Variants in CTNNBIP1 observed in about 807,000 individuals in gnomAD.
CTNNBIP1 encodes the protein catenin beta interacting protein 1, also known as beta-catenin-interacting protein 1.
CTNNBIP1 carries 7 observed loss-of-function variants against 11.8 expected under a neutral mutation model. The observed-to-expected ratio is 0.60, with a 90% CI of 0.34 to 1.12. The LOEUF (loss-of-function observed/expected upper bound fraction) is 1.12. Among genes scored for constraint, CTNNBIP1 ranks in the 50% most tolerant of loss-of-function variants. The probability of loss-of-function intolerance (pLI) is 0.03; values close to 1 mark genes in which losing one functional copy is unlikely to be tolerated. For missense variants in CTNNBIP1, 101 were observed against 113.4 expected, an observed-to-expected ratio of 0.89 and a Z score of 0.50; for synonymous variants, 58 against 43.9, an observed-to-expected ratio of 1.32 and a Z score of -1.26.
At chr1:9,899,468 A>G (rs1557766659) in intron 1 of CTNNBIP1, among the ~76,000 whole-genome samples, 3 of 146,912 alleles carry the variant, frequency 2.0e-5, no homozygotes, top group Non-Finnish European at 4.4e-5. Context: ...AAAAAAAAAA[A>G]AAAAAAAAAA....
At chr1:9,856,616 C>T (rs910565708) in intron 5 of CTNNBIP1, among the ~76,000 whole-genome samples, 6 of 150,948 alleles carry the variant, frequency 4.0e-5, no homozygotes, top group South Asian at 2.1e-4. Flanking sequence ...CGCATTCAAG[C>T]GATTCTCCTG....
chr1:9,876,961 C>T (rs1458973765), intron 3 of CTNNBIP1, among the ~76,000 whole-genome samples: 1 of 151,772 alleles, frequency 6.6e-6, no homozygotes, highest in Non-Finnish European at 1.5e-5. Flanking sequence ...TGGCTCCTGA[C>T]CACTGTGAAA....
Position 9,902,033 on chromosome 1 carries a change from C to T in CTNNBIP1, c.-144+8062G>A, listed in dbSNP as rs535233897. 1.8e-4 allele frequency among the ~76,000 whole-genome samples: 27 copies of T among 152,316 alleles called. 1 individual carries two copies. In the South Asian group the frequency reaches 5.6e-3, roughly 32 times the overall value. On this transcript the variant is annotated intron_variant, in intron 1 of 5. Transcript: ENST00000377263. Reference sequence around the variant, plus strand: ...GCTTTCACATGAACTGCTTGCTAGACCTCCCTGACCTTGGTCTTTGAAGAG... The same window carrying T: ...GCTTTCACATGAACTGCTTGCTAGATCTCCCTGACCTTGGTCTTTGAAGAG...
At chr1:9,902,504 C>G (rs1441172268) in intron 1 of CTNNBIP1, among the ~76,000 whole-genome samples, 1 of 152,144 alleles carries the variant, frequency 6.6e-6, no homozygotes, top group Non-Finnish European at 1.5e-5. Flanking sequence ...CCAAGTACAG[C>G]TTTTGTTACA....
intron 1 of CTNNBIP1, among the ~76,000 whole-genome samples, chr1:9,884,411 G>A (rs1639145011): frequency 6.6e-6 from 1 of 152,114 alleles, no homozygotes; most frequent in South Asian, 2.1e-4. Context: ...TAATCCCCGA[G>A]AGCTGCCCAG....
rs1218024665 is a variant in CTNNBIP1, at chr1:9,867,269, A to C, written c.187+3918T>G. ...CAGGCAGGCTGGGAACTGGGGGGCCACTGGGGCCTCTGCTGGAACCACCTG... is the reference window on the plus strand; with the variant it reads ...CAGGCAGGCTGGGAACTGGGGGGCCCCTGGGGCCTCTGCTGGAACCACCTG... On this transcript the variant is annotated intron_variant, in intron 5 of 5. Coordinates refer to ENST00000377263, the MANE Select transcript of CTNNBIP1 (RefSeq NM_020248.3). The surrounding 1 kb of genome is among the most constrained non-coding windows in gnomAD (Gnocchi z 4.6). Among the ~76,000 whole-genome samples, 3 of 152,064 alleles carry C rather than the reference A, an allele frequency of 2.0e-5. No individual in the cohort carries two copies. Among genetic ancestry groups the C allele is most frequent in the Non-Finnish European group, 4.4e-5 (3 of 68,006 alleles).
At chr1:9,900,125 C>T (rs60547803) in intron 1 of CTNNBIP1, among the ~76,000 whole-genome samples, 10,355 of 149,958 alleles carry the variant, frequency 0.069, 925 homozygotes, top group East Asian at 0.22. Context: ...AGGTGGAGGC[C>T]GGGTGCTGTG....
At chr1:9,878,724 C>T (rs576219260) in intron 2 of CTNNBIP1, among the ~76,000 whole-genome samples, 1 of 152,328 alleles carries the variant, frequency 6.6e-6, no homozygotes, top group South Asian at 2.1e-4. Flanking sequence ...ACAGGAGAAG[C>T]AGGAGGCTGT....
In CTNNBIP1 at chr1:9,871,911, C is replaced by T; in HGVS notation, c.96+58G>A. The T allele has an allele frequency of 1.4e-6, 2 of 1,461,120 alleles. No homozygotes were observed. The highest frequency in any genetic ancestry group is 1.7e-5 in the Admixed American group (1 of 59,548). The allele number at this position is 1,461,120 out of a possible 1,614,324, so 90.5% of individuals were successfully genotyped here. On this transcript the variant is annotated intron_variant, in intron 4 of 5. Transcript: ENST00000377263. This position sits in a 1 kb window ranked among gnomAD's most constrained non-coding sequence, Gnocchi z 5.2. ...TCCACCCTCCAATAGCCCAGCAGGGCCCCTCCCTGGGAGACCCTCCCTGGG... is the reference window on the plus strand; with the variant it reads ...TCCACCCTCCAATAGCCCAGCAGGGTCCCTCCCTGGGAGACCCTCCCTGGG...
chr1:9,879,446 A>G (rs1243117970), intron 2 of CTNNBIP1, among the ~76,000 whole-genome samples: 1 of 152,110 alleles, frequency 6.6e-6, no homozygotes, highest in Admixed American at 6.6e-5. Flanking sequence ...GGGATTTCAA[A>G]AGCCTCCCCT....
chr1:9,888,269 TA>T (rs199870618), intron 1 of CTNNBIP1, among the ~76,000 whole-genome samples: 12 of 144,300 alleles, frequency 8.3e-5, no homozygotes, highest in African/African-American at 7.6e-5. Flanking sequence ...CTACAAAAAA[TA>T]AAAAAAAAAA....
intron 5 of CTNNBIP1, among the ~76,000 whole-genome samples, chr1:9,863,489 G>A (rs1411397795): frequency 6.6e-6 from 1 of 152,202 alleles, no homozygotes; most frequent in South Asian, 2.1e-4. Flanking sequence ...CAGATCATCC[G>A]TGTGGCACCG....
chr1:9,890,861 G>T (rs1211634422), intron 1 of CTNNBIP1, among the ~76,000 whole-genome samples: 7 of 152,118 alleles, frequency 4.6e-5, no homozygotes, highest in Non-Finnish European at 1.0e-4. Flanking sequence ...GTCCCCAAAA[G>T]GCAAATTAAT....
At chr1:9,862,337 C>G (rs1194063752) in intron 5 of CTNNBIP1, among the ~76,000 whole-genome samples, 3 of 152,298 alleles carry the variant, frequency 2.0e-5, no homozygotes, top group African/African-American at 7.2e-5. Flanking sequence ...CCTGCCTCAG[C>G]CTCCCAAAGT....
At chr1:9,860,442 A>C (rs867484869) in intron 5 of CTNNBIP1, among the ~76,000 whole-genome samples, 8 of 150,240 alleles carry the variant, frequency 5.3e-5, no homozygotes, top group Non-Finnish European at 1.0e-4. Flanking sequence ...AAAAAAAAAA[A>C]AAAAAAAAAA....
chr1:9,881,090 C>G (rs1639070968), intron 2 of CTNNBIP1, among the ~76,000 whole-genome samples: 1 of 152,082 alleles, frequency 6.6e-6, no homozygotes, highest in African/African-American at 2.4e-5. Flanking sequence ...AGCTGGAGTA[C>G]AGTGGTGCAA....
chr1:9,871,938 G>T lies in CTNNBIP1; in HGVS notation c.96+31C>A. ...CCTCCCTGGGAGACCCTCCCTGGGG[G>T]CCCGCTGCCTGACACCCCACAGGCA... On this transcript the variant is annotated intron_variant, in intron 4 of 5. Coordinates refer to ENST00000377263, the MANE Select transcript of CTNNBIP1 (RefSeq NM_020248.3). The surrounding 1 kb of genome is among the most constrained non-coding windows in gnomAD (Gnocchi z 5.2). 1 of 1,587,538 alleles carries T rather than the reference G, an allele frequency of 6.3e-7. No homozygotes were observed. Among genetic ancestry groups the T allele is most frequent in the East Asian group, 2.2e-5 (1 of 44,752 alleles).
rs1217207179 is a variant in CTNNBIP1 at position 9,872,292 on chromosome 1, C to T, written c.-24-204G>A. Among the ~76,000 whole-genome samples the T allele has an allele frequency of 1.3e-5, 2 of 152,224 alleles. No homozygotes were observed. Among genetic ancestry groups the T allele is most frequent in the African/African-American group, 4.8e-5 (2 of 41,462 alleles). ...GCAGGCTGAACTGAGCAGCTCTGTT[C>T]TCCAGCAGGCGCTGCAAGGGCTGGC... On this transcript the variant is annotated intron_variant, in intron 3 of 5. Coordinates refer to ENST00000377263, the MANE Select transcript of CTNNBIP1 (RefSeq NM_020248.3). The surrounding 1 kb of genome is among the most constrained non-coding windows in gnomAD (Gnocchi z 4.0).
In CTNNBIP1 at chr1:9,901,397, G is replaced by A. The variant is rs145798323; in HGVS notation, c.-144+8698C>T. Among the ~76,000 whole-genome samples the A allele has an allele frequency of 4.3e-4, 65 of 152,254 alleles. 1 individual carries two copies. Among genetic ancestry groups the A allele is most frequent in the African/African-American group, 1.5e-3 (63 of 41,538 alleles). On this transcript the variant is annotated intron_variant, in intron 1 of 5. Transcript: ENST00000377263. ...ATTGATCAGGAAGAACAGGGGTGGG[G>A]CCCATATTATGTGAGGTGTTTGATC...
Sources: gnomAD v4.1 joint callset for allele counts (sites outside exome capture counted in the v4.1 genomes callset) on GRCh38, gnomAD v4.1.1 for gene constraint, Gnocchi (gnomAD v3.1) non-coding constraint, MANE v1.5 for transcripts, NCBI Gene and HGNC (gene_info 2026-07-23, HGNC 2026-07-21) for gene names.